Variants in ROBO2 observed in about 807,000 individuals in gnomAD.
ROBO2 encodes roundabout homolog 2.
ROBO2 carries 53 observed loss-of-function variants against 160.8 expected under a neutral mutation model. The ratio of observed to expected loss-of-function variants is 0.33; its 90% CI spans 0.26 to 0.41. The LOEUF (loss-of-function observed/expected upper bound fraction) is 0.41. Ranked by LOEUF, ROBO2 falls within the 10% of genes least tolerant of loss-of-function variation. The pLI, the probability that ROBO2 is intolerant of heterozygous loss-of-function variation, is 1.00. For missense variants in ROBO2, 1,577 were observed against 1,722.4 expected (o/e 0.92, Z 1.49); for synonymous variants, 664 against 611.7 (o/e 1.09, Z -1.26).
intron 15 of ROBO2, among the ~76,000 whole-genome samples, chr3:77,579,521 A>G: frequency 6.6e-6 from 1 of 152,188 alleles, no homozygotes; most frequent in East Asian, 1.9e-4. Flanking sequence ...TATAATCACC[A>G]TATTTTAGTG....
chr3:77,156,110 A>G (rs1227789985), intron 2 of ROBO2, among the ~76,000 whole-genome samples: 1 of 151,864 alleles, frequency 6.6e-6, no homozygotes, highest in Admixed American at 6.6e-5. Context: ...TTTGTCTTAA[A>G]ATTTCTTCAT....
intron 2 of ROBO2, among the ~76,000 whole-genome samples, chr3:76,564,114 G>T (rs1034083263): frequency 3.9e-5 from 6 of 152,214 alleles, no homozygotes; most frequent in African/African-American, 7.2e-5. Flanking sequence ...GCTGAGACAC[G>T]AGAATCGCAT....
At chr3:76,646,044 T>G (rs2090954309) in intron 2 of ROBO2, among the ~76,000 whole-genome samples, 1 of 152,168 alleles carries the variant, frequency 6.6e-6, no homozygotes, top group African/African-American at 2.4e-5. Context: ...AATGCTGGGC[T>G]AAGTGTTCGA....
intron 2 of ROBO2, among the ~76,000 whole-genome samples, chr3:76,104,014 G>A (rs528209061): frequency 1.0e-3 from 154 of 152,170 alleles, no homozygotes; most frequent in African/African-American, 3.5e-3. Flanking sequence ...TCCCTGTAAG[G>A]TATCTTCTCT....
chr3:76,186,175 C>T (rs1382977855), intron 2 of ROBO2, among the ~76,000 whole-genome samples: 1 of 151,870 alleles, frequency 6.6e-6, no homozygotes, highest in African/African-American at 2.4e-5. Flanking sequence ...TCAACCAATC[C>T]ACCCACCTCA....
chr3:77,188,242 ATGGACTT>A, intron 2 of ROBO2, among the ~76,000 whole-genome samples: 2 of 151,946 alleles, frequency 1.3e-5, no homozygotes, highest in African/African-American at 4.8e-5. Flanking sequence ...AGCCAACTAA[ATGGACTT>A]ACAAACATAC....
chr3:76,629,679 G>A (rs1386613431), intron 2 of ROBO2, among the ~76,000 whole-genome samples: 2 of 152,034 alleles, frequency 1.3e-5, no homozygotes, highest in Non-Finnish European at 2.9e-5. Context: ...TCACAGACAC[G>A]CCCAGAAACA....
intron 2 of ROBO2, among the ~76,000 whole-genome samples, chr3:76,561,331 C>G (rs537651089): frequency 6.6e-6 from 1 of 152,074 alleles, no homozygotes; most frequent in African/African-American, 2.4e-5. Context: ...GCCTTAGAAA[C>G]ATAAAATTAG....
chr3:76,128,159 G>A (rs543865433), intron 2 of ROBO2, among the ~76,000 whole-genome samples: 41 of 151,762 alleles, frequency 2.7e-4, no homozygotes, highest in African/African-American at 9.9e-4. Context: ...CTCCCAAACT[G>A]TTGGGATTAC....
intron 2 of ROBO2, among the ~76,000 whole-genome samples, chr3:77,260,620 T>C (rs2153332213): frequency 6.6e-6 from 1 of 152,264 alleles, no homozygotes; most frequent in South Asian, 2.1e-4. Flanking sequence ...TAATTTAGCG[T>C]GTTATATCCA....
chr3:77,441,302 G>T (rs1391197148), intron 2 of ROBO2, among the ~76,000 whole-genome samples: 1 of 151,384 alleles, frequency 6.6e-6, no homozygotes, highest in African/African-American at 2.4e-5. Flanking sequence ...GAATGTATAT[G>T]TGCTGATACT....
chr3:77,469,298 T>C (rs1378507229), intron 2 of ROBO2, among the ~76,000 whole-genome samples: 1 of 152,178 alleles, frequency 6.6e-6, no homozygotes, highest in Admixed American at 6.5e-5. Flanking sequence ...ACTTTGTACA[T>C]AGCTCCAGTT....
At chr3:76,872,439 C>A (rs1370999037) in intron 2 of ROBO2, among the ~76,000 whole-genome samples, 1 of 151,940 alleles carries the variant, frequency 6.6e-6, no homozygotes, top group African/African-American at 2.4e-5. Context: ...CCATTTAAAA[C>A]CTTTTATTCC....
intron 2 of ROBO2, among the ~76,000 whole-genome samples, chr3:76,603,226 G>T (rs1413936550): frequency 6.7e-6 from 1 of 150,236 alleles, no homozygotes; most frequent in Admixed American, 6.6e-5. Context: ...CAGCTACTCA[G>T]GAGGCTGAGG....
At chr3:76,736,379 T>C (rs946742939) in intron 2 of ROBO2, among the ~76,000 whole-genome samples, 11 of 152,136 alleles carry the variant, frequency 7.2e-5, no homozygotes, top group Non-Finnish European at 1.3e-4. Flanking sequence ...TTTAGTGTTG[T>C]CCTAGTTTGT....
At chr3:77,400,163 A>T (rs960884434) in intron 2 of ROBO2, among the ~76,000 whole-genome samples, 1 of 152,076 alleles carries the variant, frequency 6.6e-6, no homozygotes, top group African/African-American at 2.4e-5. Flanking sequence ...TTATTTAAAA[A>T]TTTTCCTTAT....
chr3:76,082,319 T>C (rs72894520), intron 2 of ROBO2, among the ~76,000 whole-genome samples: 4,948 of 152,178 alleles, frequency 0.033, 291 homozygotes, highest in African/African-American at 0.11. Flanking sequence ...AGAGGAAAGT[T>C]CCTTTTAGAT....
chr3:77,022,677 C>A (rs908709030), intron 2 of ROBO2, among the ~76,000 whole-genome samples: 1 of 152,112 alleles, frequency 6.6e-6, no homozygotes. Flanking sequence ...GTTAACATGT[C>A]TTTTTCATAG....
At chr3:76,328,343 C>G (rs1475233476) in intron 2 of ROBO2, among the ~76,000 whole-genome samples, 1 of 152,198 alleles carries the variant, frequency 6.6e-6, no homozygotes, top group South Asian at 2.1e-4. Context: ...ATTGTGGTAA[C>G]TAGGTAATTT....
Sources: gnomAD v4.1 joint callset for allele counts (sites outside exome capture counted in the v4.1 genomes callset) on GRCh38, gnomAD v4.1.1 for gene constraint, MANE v1.5 for transcripts, NCBI Gene and HGNC (gene_info 2026-07-23, HGNC 2026-07-21) for gene names.